SCN11A: variants seen among roughly 807,000 people sequenced by gnomAD.
SCN11A encodes sodium channel protein type 11 subunit alpha.
In SCN11A, 122 loss-of-function variants were observed where a neutral mutation model predicts 162.2. The observed-to-expected ratio is 0.75, with a 90% CI of 0.65 to 0.87. SCN11A has a LOEUF of 0.87. SCN11A is among the 40% of genes least tolerant of loss of function. The pLI, the probability that SCN11A is intolerant of heterozygous loss-of-function variation, is 0.00. For missense variants in SCN11A, 2,015 were observed against 2,181.6 expected (o/e 0.92, Z 1.52); for synonymous variants, 758 against 751.5 (o/e 1.01, Z -0.14).
At chr3:38,967,850 AG>A (rs1367916034) in intron 2 of SCN11A, among the ~76,000 whole-genome samples, 1 of 152,232 alleles carries the variant, frequency 6.6e-6, no homozygotes, top group Non-Finnish European at 1.5e-5. Context: ...CCAACTCATG[AG>A]AGCTCCTGCA....
chr3:38,927,751 A>T (rs2066166725), intron 7 of SCN11A, among the ~76,000 whole-genome samples: 1 of 152,178 alleles, frequency 6.6e-6, no homozygotes, highest in South Asian at 2.1e-4. Context: ...GAAAGCCCCT[A>T]ATGAAACTAT....
intron 18 of SCN11A, 42 bp from the exon 19 acceptor site, chr3:38,895,006 A>C (rs1341329504): frequency 6.5e-7 from 1 of 1,535,536 alleles, no homozygotes; most frequent in African/African-American, 1.4e-5. Context: ...AAAGTTTAGC[A>C]AAGGAAAAGA....
Position 38,931,036 on chromosome 3 carries a change from G to T in SCN11A, c.489-4105C>A, listed in dbSNP as rs573763822. On this transcript the variant is annotated intron_variant, in intron 7 of 29. Coordinates refer to ENST00000302328, the MANE Select transcript of SCN11A (RefSeq NM_001349253.2). ...AGCTGTGGAAACAATGCACTCTCCT[G>T]ATCTGTCTCCTCCATAGGTCCTGCC... Among the ~76,000 whole-genome samples, 243 of 152,358 alleles carry T rather than the reference G, an allele frequency of 1.6e-3. 4 individuals carry two copies. Among genetic ancestry groups the T allele is most frequent in the Non-Finnish European group, 4.4e-4 (30 of 68,038 alleles).
chr3:38,914,864 G>A (rs761138523), intron 11 of SCN11A, among the ~76,000 whole-genome samples: 10 of 152,158 alleles, frequency 6.6e-5, no homozygotes, highest in Non-Finnish European at 1.3e-4. Flanking sequence ...TTAATGTGCT[G>A]CTGGATTAGG....
chr3:39,024,442 A>G (rs1372088003), intron 2 of SCN11A, among the ~76,000 whole-genome samples: 1 of 152,198 alleles, frequency 6.6e-6, no homozygotes, highest in Non-Finnish European at 1.5e-5. Context: ...CTTTATGGCC[A>G]GTGTTGGGGC....
chr3:38,918,991 T>C (rs1287502155), intron 11 of SCN11A, among the ~76,000 whole-genome samples: 1 of 152,256 alleles, frequency 6.6e-6, no homozygotes, highest in African/African-American at 2.4e-5. Flanking sequence ...CTATGTGGCA[T>C]AGCCTATTGT....
chr3:38,945,574 A>G, intron 6 of SCN11A, 62 bp from the exon 7 acceptor site: 5 of 1,193,366 alleles, frequency 4.2e-6, no homozygotes, highest in Non-Finnish European at 5.8e-6. Flanking sequence ...GCTACTGGGT[A>G]AGACTGGGGG....
intron 2 of SCN11A, among the ~76,000 whole-genome samples, chr3:38,983,100 T>C (rs1268387305): frequency 6.6e-6 from 1 of 152,206 alleles, no homozygotes; most frequent in Non-Finnish European, 1.5e-5. Flanking sequence ...CTGTTTTAGA[T>C]GAGACCATTA....
chr3:38,930,383 T>C (rs1250506222), intron 7 of SCN11A, among the ~76,000 whole-genome samples: 1 of 152,220 alleles, frequency 6.6e-6, no homozygotes, highest in Non-Finnish European at 1.5e-5. Context: ...TCAGATTAAA[T>C]AATGTCTGTC....
intron 1 of SCN11A, among the ~76,000 whole-genome samples, chr3:39,049,577 C>T (rs2032274040): frequency 6.6e-6 from 1 of 152,226 alleles, no homozygotes; most frequent in Non-Finnish European, 1.5e-5. Context: ...CCTCCCAGAG[C>T]ATGGGGTATT....
At chr3:38,879,110 G>A (rs2065267472) in intron 23 of SCN11A, among the ~76,000 whole-genome samples, 1 of 152,142 alleles carries the variant, frequency 6.6e-6, no homozygotes, top group South Asian at 2.1e-4. Context: ...GAGCTTTGGA[G>A]TGAGGCTTAC....
rs765572967 is a variant in SCN11A at position 38,963,393 on chromosome 3, G to GATAT, written c.-279-2974_-279-2971dup. ...TATATATATATATATATATGATGGA[G>GATAT]ATATATATATATATATATATATATG... On this transcript the variant is annotated intron_variant, in intron 2 of 29. Transcript: ENST00000302328. 4.2e-3 allele frequency among the ~76,000 whole-genome samples: 239 copies of GATAT among 56,262 alleles called. 6 individuals carry two copies. The highest frequency in any genetic ancestry group is 9.9e-3 in the South Asian group (16 of 1,618). The allele number at this position is 56,262 out of a possible 152,430, so 36.9% of individuals were successfully genotyped here.
intron 1 of SCN11A, among the ~76,000 whole-genome samples, chr3:39,034,783 TA>T (rs2031861420): frequency 6.6e-6 from 1 of 151,984 alleles, no homozygotes; most frequent in Non-Finnish European, 1.5e-5. Flanking sequence ...AAAATCAACA[TA>T]AAAAATCAGT....
At chr3:38,943,024 C>T (rs1042449626) in intron 7 of SCN11A, among the ~76,000 whole-genome samples, 5 of 151,864 alleles carry the variant, frequency 3.3e-5, no homozygotes, top group African/African-American at 9.7e-5. Flanking sequence ...CGGAAGTGTT[C>T]GCAGCAACTT....
At chr3:39,042,955 C>G (rs1359938957) in intron 1 of SCN11A, among the ~76,000 whole-genome samples, 1 of 36,402 alleles carries the variant, frequency 2.7e-5, no homozygotes. Context: ...GAAACTCCAT[C>G]TCAAAAAAAA....
At chr3:39,028,924 TG>T (rs993739521) in intron 2 of SCN11A, among the ~76,000 whole-genome samples, 2 of 152,130 alleles carry the variant, frequency 1.3e-5, no homozygotes, top group African/African-American at 4.8e-5. Flanking sequence ...ATCATTACAT[TG>T]GGAATCAAAT....
chr3:38,946,801 A>T lies in SCN11A; in HGVS notation c.374T>A (p.Val125Asp). ...AATGAAAGGATATGAATGGACTGAG[A>T]CTCTAATGGCTAAACTTCTGATTGA... is the stretch of plus-strand genomic sequence containing the variant. ...FNSIRSLAIR[V>D]SVHSLFSMFI... The change falls in exon 6 of 30, where the codon GTC (valine) becomes GAC (aspartate). Residue 125 changes from valine to aspartate, a missense_variant. Transcript: ENST00000302328. The T allele has an allele frequency of 1.2e-6, 2 of 1,607,094 alleles. No individual in the cohort carries two copies. The highest frequency in any genetic ancestry group is 1.7e-6 in the Non-Finnish European group (2 of 1,174,108).
chr3:38,965,364 C>T (rs942390984), intron 2 of SCN11A, among the ~76,000 whole-genome samples: 7 of 152,206 alleles, frequency 4.6e-5, no homozygotes, highest in Admixed American at 1.3e-4. Context: ...GGAGGCCCTG[C>T]CAGGCCCCTG....
rs1427789759 is a variant in SCN11A, at chr3:38,846,083, CTTTT to C, written c.*607_*610del. The C allele has an allele frequency of 6.6e-6, 1 of 152,006 alleles. No individual in the cohort carries two copies. The highest frequency in any genetic ancestry group is 2.4e-5 in the African/African-American group (1 of 41,396). 9.4% of individuals were successfully genotyped at this position (152,006 alleles called of 1,614,324 possible). A position where few individuals can be genotyped will look rare whatever the true frequency, so the allele number is the denominator to read the frequency against. On this transcript the variant is annotated 3_prime_UTR_variant, in exon 30 of 30. Coordinates refer to ENST00000302328, the MANE Select transcript of SCN11A (RefSeq NM_001349253.2). ...TTTAATGTGTTTTTTGTTTCTTATT[CTTTT>C]TTGTTTAGATATAATTTGAACCATG...
Sources: gnomAD v4.1 joint callset for allele counts (sites outside exome capture counted in the v4.1 genomes callset) on GRCh38, gnomAD v4.1.1 for gene constraint, MANE v1.5 for transcripts, NCBI Gene and HGNC (gene_info 2026-07-23, HGNC 2026-07-21) for gene names.